Variants in ZCCHC7 observed in about 807,000 individuals in gnomAD.
ZCCHC7 encodes the protein zinc finger CCHC domain-containing protein 7.
A neutral mutation model predicts 52.0 loss-of-function variants in ZCCHC7; 35 were observed. The observed-to-expected ratio is 0.67, with a 90% CI of 0.51 to 0.89. ZCCHC7 has a LOEUF of 0.89. ZCCHC7 is among the 40% of genes least tolerant of loss of function. ZCCHC7 has a pLI of 0.00. For missense variants in ZCCHC7, 574 were observed against 649.1 expected (o/e 0.88, Z 1.26); for synonymous variants, 217 against 221.5 (o/e 0.98, Z 0.18).
At chr9:37,124,096 T>G (rs1040172233) in intron 1 of ZCCHC7, among the ~76,000 whole-genome samples, 3 of 152,204 alleles carry the variant, frequency 2.0e-5, no homozygotes, top group Non-Finnish European at 4.4e-5. Context: ...ACCCTGGTAT[T>G]TTTGGGCAGA....
chr9:37,212,639 C>A (rs1205192930), intron 2 of ZCCHC7, among the ~76,000 whole-genome samples: 1 of 152,286 alleles, frequency 6.6e-6, no homozygotes, highest in South Asian at 2.1e-4. Flanking sequence ...GCAGCCCAGC[C>A]TTACTTCAGA....
At chr9:37,188,011 T>C (rs1415099836) in intron 2 of ZCCHC7, among the ~76,000 whole-genome samples, 1 of 152,204 alleles carries the variant, frequency 6.6e-6, no homozygotes, top group African/African-American at 2.4e-5. Context: ...ATTTGAAAAT[T>C]TGAGTTTTCA....
At position 37,278,014 on chromosome 9, in the gene ZCCHC7, T is replaced by TTG. The variant is rs1554723029; in HGVS notation, c.611-24152_611-24151dup. On this transcript the variant is annotated intron_variant, in intron 2 of 8. Coordinates refer to ENST00000336755, the MANE Select transcript of ZCCHC7 (RefSeq NM_032226.3). Reference sequence around the variant, plus strand: ...AATCAAAAAAAAAAAGTTTTTTTGTTTGTGTGTGTGTGTGTGTGTGTGTTT... The same window carrying TTG: ...AATCAAAAAAAAAAAGTTTTTTTGTTTGTGTGTGTGTGTGTGTGTGTGTGTTT... Among the ~76,000 whole-genome samples the TTG allele has an allele frequency of 3.9e-3, 565 of 144,976 alleles. 10 individuals carry two copies. The East Asian group carries it at 0.062, about 16-fold the overall frequency.
intron 2 of ZCCHC7, among the ~76,000 whole-genome samples, chr9:37,269,574 G>GT (rs1049932028): frequency 1.7e-5 from 2 of 118,496 alleles, no homozygotes; most frequent in Non-Finnish European, 3.2e-5. Flanking sequence ...AGCCATGATT[G>GT]TACCACTGCA....
intron 2 of ZCCHC7, among the ~76,000 whole-genome samples, chr9:37,287,794 T>G (rs1180333002): frequency 2.0e-5 from 3 of 152,178 alleles, no homozygotes; most frequent in African/African-American, 7.2e-5. Context: ...TCAATGGTGT[T>G]AAATTTTTTT....
intron 2 of ZCCHC7, among the ~76,000 whole-genome samples, chr9:37,274,382 C>T (rs1375952317): frequency 8.8e-6 from 1 of 113,282 alleles, no homozygotes; most frequent in Non-Finnish European, 1.6e-5. Flanking sequence ...CTCTGTTGCT[C>T]AGGCAGGAGC....
At chr9:37,171,236 T>C (rs764617316) in intron 2 of ZCCHC7, among the ~76,000 whole-genome samples, 1 of 152,264 alleles carries the variant, frequency 6.6e-6, no homozygotes, top group East Asian at 1.9e-4. Context: ...GGCCCTTGTA[T>C]GTGTAGTTGT....
intron 2 of ZCCHC7, among the ~76,000 whole-genome samples, chr9:37,237,270 A>G (rs1330991306): frequency 6.6e-6 from 1 of 152,210 alleles, no homozygotes; most frequent in Non-Finnish European, 1.5e-5. Context: ...TTTTGGTTTT[A>G]CTTAAGAATA....
chr9:37,120,947 TA>T (rs1431976644), intron 1 of ZCCHC7: 1 of 156,324 alleles, frequency 6.4e-6, no homozygotes, highest in African/African-American at 2.4e-5. Flanking sequence ...CCCAGTCTTC[TA>T]GGGAAGCCAG....
chr9:37,286,727 A>G (rs988051824), intron 2 of ZCCHC7, among the ~76,000 whole-genome samples: 39 of 152,036 alleles, frequency 2.6e-4, no homozygotes, highest in Admixed American at 2.0e-3. Context: ...AGCTCTTTAT[A>G]TGTATTAGCT....
chr9:37,334,843 T>G (rs1453499752), intron 6 of ZCCHC7, among the ~76,000 whole-genome samples: 3 of 152,104 alleles, frequency 2.0e-5, no homozygotes, highest in Non-Finnish European at 2.9e-5. Context: ...TGGGATTAAA[T>G]TAGAACTTCA....
intron 2 of ZCCHC7, among the ~76,000 whole-genome samples, chr9:37,185,070 G>T (rs528808968): frequency 6.6e-6 from 1 of 151,830 alleles, no homozygotes; most frequent in South Asian, 2.1e-4. Flanking sequence ...TTGTCCCCTT[G>T]ACCCGTACTT....
intron 2 of ZCCHC7, among the ~76,000 whole-genome samples, chr9:37,269,792 G>GA (rs747713868): frequency 1.3e-5 from 2 of 152,038 alleles, no homozygotes; most frequent in Non-Finnish European, 2.9e-5. Flanking sequence ...ATGAGGAAGA[G>GA]AAAAACAACT....
chr9:37,142,184 C>T (rs527871891), intron 2 of ZCCHC7, among the ~76,000 whole-genome samples: 65 of 151,698 alleles, frequency 4.3e-4, no homozygotes, highest in Middle Eastern at 3.4e-3. Context: ...ATTTCCTAAT[C>T]AGGAAAAATG....
chr9:37,223,090 G>A (rs1366954453), intron 2 of ZCCHC7, among the ~76,000 whole-genome samples: 1 of 152,080 alleles, frequency 6.6e-6, no homozygotes, highest in Non-Finnish European at 1.5e-5. Context: ...GTTACCAAAA[G>A]TCTTAAATGT....
At position 37,256,895 on chromosome 9, in the gene ZCCHC7, G is replaced by A. The variant is rs568486809; in HGVS notation, c.611-45293G>A. Among the ~76,000 whole-genome samples, 3 of 152,266 alleles carry A rather than the reference G, an allele frequency of 2.0e-5. No homozygotes were observed. The East Asian group carries it at 5.8e-4, about 29-fold the overall frequency. ...TTTTCTTTTTCAACTGCATAACTGT[G>A]TAATGCCAGATAATCTTCATACCAT... On this transcript the variant is annotated intron_variant, in intron 2 of 8. Transcript: ENST00000336755.
intron 2 of ZCCHC7, among the ~76,000 whole-genome samples, chr9:37,264,035 A>C (rs1826984342): frequency 6.6e-6 from 1 of 152,160 alleles, no homozygotes; most frequent in Non-Finnish European, 1.5e-5. Flanking sequence ...TGATATATGC[A>C]TTACATTTCT....
rs1464203199 is a variant in ZCCHC7, at chr9:37,304,170, G to C, written c.655-18G>C. The C allele has an allele frequency of 1.4e-6, 2 of 1,475,472 alleles. No homozygotes were observed. Among genetic ancestry groups the C allele is most frequent in the African/African-American group, 2.0e-5 (1 of 50,504 alleles). 91.4% of individuals were successfully genotyped at this position (1,475,472 alleles called of 1,614,324 possible). A position where few individuals can be genotyped will look rare whatever the true frequency, so the allele number is the denominator to read the frequency against. On this transcript the variant is annotated intron_variant, in intron 3 of 8. Coordinates refer to ENST00000336755, the MANE Select transcript of ZCCHC7 (RefSeq NM_032226.3). The stretch of plus-strand genomic sequence containing the variant: ...CAGTGAAACAATTTTTTTAATTCTT[G>C]ATTTTTTTTTCCCTTAGGCCCAGAT...
chr9:37,349,519 T>C, intron 7 of ZCCHC7, 67 bp downstream of exon 7: 1 of 1,416,884 alleles, frequency 7.1e-7, no homozygotes, highest in Non-Finnish European at 9.9e-7. Context: ...AAAGATGAAC[T>C]CAAAAAGAAT....
Sources: allele counts gnomAD v4.1 joint callset (sites outside exome capture counted in the v4.1 genomes callset), GRCh38; gene constraint gnomAD v4.1.1; transcripts MANE v1.5; gene names NCBI Gene and HGNC (gene_info 2026-07-23, HGNC 2026-07-21).